The following MAD1L1 variants were observed in gnomAD, a reference collection of about 807,000 sequenced individuals.
The protein encoded by MAD1L1 is mitotic spindle assembly checkpoint protein MAD1.
A neutral mutation model predicts 96.9 loss-of-function variants in MAD1L1; 95 were observed. The ratio of observed to expected loss-of-function variants is 0.98; its 90% CI spans 0.83 to 1.16. The LOEUF is 1.16. Ranked by LOEUF, MAD1L1 falls within the 50% of genes most tolerant of loss-of-function variation. The probability of loss-of-function intolerance (pLI) is 0.00; values close to 1 mark genes in which losing one functional copy is unlikely to be tolerated. For synonymous variants in MAD1L1, 473 were observed against 396.6 expected (o/e 1.19, Z -2.29); for missense variants, 1,007 against 954.4 (o/e 1.06, Z -0.73).
intron 10 of MAD1L1, among the ~76,000 whole-genome samples, chr7:2,210,460 CCG>C (rs1792866676): frequency 5.3e-5 from 7 of 133,010 alleles, no homozygotes; most frequent in Non-Finnish European, 1.2e-4. Flanking sequence ...TCTCTAGGAG[CCG>C]TATTCGGGAC....
At chr7:1,905,494 T>C (rs1294610594) in intron 17 of MAD1L1, among the ~76,000 whole-genome samples, 1 of 151,316 alleles carries the variant, frequency 6.6e-6, no homozygotes, top group Non-Finnish European at 1.5e-5. Context: ...GAACTCATGA[T>C]TGATGAAGCA....
At chr7:1,887,623 GGGCA>G (rs1786164026) in intron 18 of MAD1L1, among the ~76,000 whole-genome samples, 4 of 150,652 alleles carry the variant, frequency 2.7e-5, no homozygotes, top group South Asian at 2.1e-4. Context: ...GCCTGTGCAT[GGGCA>G]TGTGTGTGCA....
At chr7:1,916,441 A>G (rs1034121211) in intron 17 of MAD1L1, among the ~76,000 whole-genome samples, 5 of 152,150 alleles carry the variant, frequency 3.3e-5, no homozygotes, top group Admixed American at 2.6e-4. Context: ...CAGAAAGAGG[A>G]GCAAAACACA....
intron 11 of MAD1L1, among the ~76,000 whole-genome samples, chr7:2,145,004 G>A (rs769977681): frequency 5.3e-5 from 8 of 152,104 alleles, no homozygotes; most frequent in Non-Finnish European, 8.8e-5. Flanking sequence ...AAGGTTTGGT[G>A]GTTCTGACCC....
intron 11 of MAD1L1, among the ~76,000 whole-genome samples, chr7:2,091,441 T>G (rs927292493): frequency 2.0e-5 from 3 of 152,238 alleles, no homozygotes; most frequent in African/African-American, 4.8e-5. Flanking sequence ...CATGCTGATG[T>G]CTGGCTGGGG....
chr7:2,064,982 C>T (rs1202463905), intron 12 of MAD1L1, among the ~76,000 whole-genome samples: 1 of 152,076 alleles, frequency 6.6e-6, no homozygotes, highest in Non-Finnish European at 1.5e-5. Context: ...AGGATGGTGG[C>T]TTCTTCCAGG....
intron 18 of MAD1L1, among the ~76,000 whole-genome samples, chr7:1,850,656 G>T (rs1455351522): frequency 6.6e-6 from 1 of 152,164 alleles, no homozygotes; most frequent in African/African-American, 2.4e-5. Context: ...CAAAGCCATG[G>T]TTGCCCAAGT....
intron 17 of MAD1L1, among the ~76,000 whole-genome samples, chr7:1,913,876 A>C (rs1342194772): frequency 6.6e-6 from 1 of 152,032 alleles, no homozygotes; most frequent in African/African-American, 2.4e-5. Flanking sequence ...AACGCCACAG[A>C]CTCAGTCATG....
intron 12 of MAD1L1, among the ~76,000 whole-genome samples, chr7:2,033,573 A>T (rs1783329153): frequency 6.6e-6 from 1 of 152,242 alleles, no homozygotes; most frequent in African/African-American, 2.4e-5. Flanking sequence ...GGTAATAGAA[A>T]ACTGGGAAAA....
chr7:2,009,621 G>A (rs956092679), intron 13 of MAD1L1, among the ~76,000 whole-genome samples: 8 of 152,204 alleles, frequency 5.3e-5, no homozygotes, highest in African/African-American at 1.7e-4. Flanking sequence ...GAGGTCTGAG[G>A]ATGACTGTGA....
chr7:2,130,421 A>G (rs1459429570), intron 11 of MAD1L1, among the ~76,000 whole-genome samples: 2 of 152,200 alleles, frequency 1.3e-5, no homozygotes, highest in Non-Finnish European at 2.9e-5. Context: ...GAAATTTGGA[A>G]TAAGGAAGCA....
chr7:2,159,376 C>T (rs1028904747), intron 10 of MAD1L1, among the ~76,000 whole-genome samples: 1 of 152,220 alleles, frequency 6.6e-6, no homozygotes, highest in African/African-American at 2.4e-5. Context: ...CCCCTAGATG[C>T]CTGCGTGGCC....
intron 18 of MAD1L1, among the ~76,000 whole-genome samples, chr7:1,839,342 C>A (rs1052859239): frequency 1.3e-4 from 7 of 55,646 alleles, no homozygotes. Context: ...AAGCGTCCTG[C>A]CCCCTGCCTG....
intron 11 of MAD1L1, among the ~76,000 whole-genome samples, chr7:2,131,677 AG>A (rs1477234451): frequency 6.6e-6 from 1 of 152,160 alleles, no homozygotes; most frequent in Non-Finnish European, 1.5e-5. Flanking sequence ...GAGCAGCAAC[AG>A]GGACAGCTCA....
intron 11 of MAD1L1, among the ~76,000 whole-genome samples, chr7:2,111,500 AAGACTTGAG>A (rs1350286819): frequency 2.0e-5 from 3 of 152,228 alleles, no homozygotes; most frequent in Non-Finnish European, 4.4e-5. Flanking sequence ...GGAAAGACAA[AAGACTTGAG>A]AGGAAGCAAA....
At chr7:2,123,696 T>C (rs539085111) in intron 11 of MAD1L1, among the ~76,000 whole-genome samples, 1 of 152,298 alleles carries the variant, frequency 6.6e-6, no homozygotes, top group African/African-American at 2.4e-5. Flanking sequence ...CAATTAAGCC[T>C]GTTTCAGAGT....
chr7:2,073,986 C>A (rs180995998), intron 11 of MAD1L1, among the ~76,000 whole-genome samples: 1 of 152,314 alleles, frequency 6.6e-6, no homozygotes, highest in Non-Finnish European at 1.5e-5. Context: ...AACAACAGAA[C>A]TAGACTGTAA....
chr7:2,224,189 G>A (rs1362223237), intron 4 of MAD1L1, among the ~76,000 whole-genome samples: 1 of 152,098 alleles, frequency 6.6e-6, no homozygotes, highest in Non-Finnish European at 1.5e-5. Flanking sequence ...TCCAACAGCT[G>A]CACACTGTCC....
chr7:1,906,049 CAAAAAAAAAAAAAA>C (rs10570929), intron 17 of MAD1L1, among the ~76,000 whole-genome samples: 1 of 91,976 alleles, frequency 1.1e-5, no homozygotes, highest in Non-Finnish European at 2.1e-5. Flanking sequence ...GACTCCATCT[CAAAAAAAAAAAAAA>C]AAAAAAAAAG....
Sources: gnomAD v4.1 joint callset for allele counts (sites outside exome capture counted in the v4.1 genomes callset) on GRCh38, gnomAD v4.1.1 for gene constraint, MANE v1.5 for transcripts, NCBI Gene and HGNC (gene_info 2026-07-23, HGNC 2026-07-21) for gene names.